The following CELSR1 variants were observed in gnomAD, a reference collection of about 807,000 sequenced individuals.
CELSR1 encodes cadherin EGF LAG seven-pass G-type receptor 1, also known as adhesion G protein-coupled receptor C1.
In CELSR1, 110 loss-of-function variants were observed where a neutral mutation model predicts 249.1. The observed-to-expected ratio is 0.44, with a 90% CI of 0.38 to 0.52. The LOEUF (loss-of-function observed/expected upper bound fraction) is 0.52, where lower values mean the gene tolerates loss of function less well. CELSR1 is among the 20% of genes least tolerant of loss of function. The pLI is 0.00. For synonymous variants in CELSR1, 2,113 were observed against 1,900.0 expected, an observed-to-expected ratio of 1.11 and a Z score of -2.92; for missense variants, 4,109 against 4,296.4, an observed-to-expected ratio of 0.96 and a Z score of 1.22.
At chr22:46,366,612 G>C (rs2078785809) in intron 29 of CELSR1, 132 bp from the exon 30 acceptor site, 1 of 747,982 alleles carries the variant, frequency 1.3e-6, no homozygotes, top group Non-Finnish European at 2.3e-6. Flanking sequence ...CACACAGGAG[G>C]AGCTGGCCCC....
In CELSR1 at chr22:46,365,499, G is replaced by C. The variant is rs2078758894; in HGVS notation, c.8404+87C>G. 3.2e-6 allele frequency: 5 copies of C among 1,542,998 alleles called. No homozygotes were observed. In the African/African-American group the frequency reaches 4.1e-5, roughly 13 times the overall value. ...GACGCTGAGCATGGCGAGGCTGCTA[G>C]TGCTTCTTCAGGGGCAGTCTGTCCA... On this transcript the variant is annotated intron_variant, in intron 31 of 34. Coordinates refer to ENST00000674500, the MANE Select transcript of CELSR1 (RefSeq NM_001378328.1).
chr22:46,462,067 C>T (rs2080035193), intron 2 of CELSR1, among the ~76,000 whole-genome samples: 1 of 152,276 alleles, frequency 6.6e-6, no homozygotes, highest in Admixed American at 6.5e-5. Context: ...AAACCCAACG[C>T]AGGTGTGGGC....
chr22:46,383,440 T>C (rs9615974), intron 20 of CELSR1, among the ~76,000 whole-genome samples: 9,668 of 152,326 alleles, frequency 0.063, 395 homozygotes, highest in Non-Finnish European at 0.092. Context: ...GAAGATTTGT[T>C]CATACACAGA....
intron 2 of CELSR1, among the ~76,000 whole-genome samples, chr22:46,444,661 G>A (rs1373730731): frequency 4.6e-5 from 7 of 152,182 alleles, no homozygotes; most frequent in South Asian, 2.1e-4. Flanking sequence ...TGTGTTTCCC[G>A]TGGCTGCCGT....
At chr22:46,386,728 ATTAGTTGTTTTTTGTTT>A (rs1486188997) in intron 18 of CELSR1, 143 bp from the exon 19 acceptor site, 1 of 631,760 alleles carries the variant, frequency 1.6e-6, no homozygotes, top group Non-Finnish European at 2.5e-6. Context: ...GCTCTTTAAT[ATTAGTTGTTTTTTGTTT>A]TTTGTTGTTT....
intron 25 of CELSR1, chr22:46,370,108 G>T (rs375341487): frequency 2.0e-6 from 1 of 505,686 alleles, no homozygotes; most frequent in Admixed American, 2.3e-5. Context: ...GTGAGATGGT[G>T]CAGGAGGGAT....
In CELSR1 at chr22:46,437,493, C is replaced by T. The variant is rs888116334; in HGVS notation, c.4407-1204G>A. 1.3e-4 allele frequency among the ~76,000 whole-genome samples: 20 copies of T among 152,336 alleles called. No homozygotes were observed. The highest frequency in any genetic ancestry group is 1.6e-4 in the Non-Finnish European group (11 of 68,034). ...ATGGTTTCGGCTGGCCGGTGGCTCA[C>T]GCCTGTAATCCCAGCACTTTGGGAG... On this transcript the variant is annotated intron_variant, in intron 3 of 34. Coordinates refer to ENST00000674500, the MANE Select transcript of CELSR1 (RefSeq NM_001378328.1). This position sits in a 1 kb window ranked among gnomAD's most constrained non-coding sequence, Gnocchi z 4.9.
At position 46,407,963 on chromosome 22, in the gene CELSR1, C is replaced by T. The variant is rs1201375896; in HGVS notation, c.5226+1033G>A. Among the ~76,000 whole-genome samples the T allele has an allele frequency of 6.6e-6, 1 of 152,190 alleles. No individual in the cohort carries two copies. Among genetic ancestry groups the T allele is most frequent in the African/African-American group, 2.4e-5 (1 of 41,454 alleles). ...AGGGGCAAGAGGGCAAGCCGAGGGC[C>T]GGGCACCCTCCTGGGGAGGGTCCCC... is the stretch of plus-strand genomic sequence containing the variant. On this transcript the variant is annotated intron_variant, in intron 9 of 34. Transcript: ENST00000674500. This position sits in a 1 kb window ranked among gnomAD's most constrained non-coding sequence, Gnocchi z 4.8.
rs1371417281 is a variant in CELSR1, at chr22:46,447,464, C to T, written c.4184-8053G>A. ...GTCATTCAAACCTGGGGGAAATTCA[C>T]CCATACTCTGCACACCCCCATCACC... On this transcript the variant is annotated intron_variant, in intron 2 of 34. Coordinates refer to ENST00000674500, the MANE Select transcript of CELSR1 (RefSeq NM_001378328.1). The surrounding 1 kb of genome is among the most constrained non-coding windows in gnomAD (Gnocchi z 4.7). 6.6e-6 allele frequency among the ~76,000 whole-genome samples: 1 copy of T among 152,078 alleles called. No homozygotes were observed. The highest frequency in any genetic ancestry group is 1.5e-5 in the Non-Finnish European group (1 of 68,022).
Position 46,390,364 on chromosome 22 carries a change from T to C in CELSR1, c.6345+28A>G, listed in dbSNP as rs113046281. ...TACACGAACACACACGTGCCCCTGC[T>C]GAACACACATCCCCGAGGCGCCCCT... is the stretch of plus-strand genomic sequence containing the variant. On this transcript the variant is annotated intron_variant, in intron 17 of 34. Coordinates refer to ENST00000674500, the MANE Select transcript of CELSR1 (RefSeq NM_001378328.1). This position sits in a 1 kb window ranked among gnomAD's most constrained non-coding sequence, Gnocchi z 6.3. The C allele has an allele frequency of 6.5e-4, 1,028 of 1,570,802 alleles. 6 individuals carry two copies. In the African/African-American group the frequency reaches 0.011, roughly 18 times the overall value.
At position 46,363,161 on chromosome 22, in the gene CELSR1, G is replaced by A; in HGVS notation, c.*62C>T. ...CTGAGGGTGATGCCGCAGCCTGTGT[G>A]GGGTGACGGGCTTGCCTCACGGTTT... is the stretch of plus-strand genomic sequence containing the variant. On this transcript the variant is annotated 3_prime_UTR_variant, in exon 35 of 35. Coordinates refer to ENST00000674500, the MANE Select transcript of CELSR1 (RefSeq NM_001378328.1). The surrounding 1 kb of genome is among the most constrained non-coding windows in gnomAD (Gnocchi z 4.3). 6.2e-7 allele frequency: 1 copy of A among 1,613,744 alleles called. No individual in the cohort carries two copies. Among genetic ancestry groups the A allele is most frequent in the South Asian group, 1.1e-5 (1 of 91,052 alleles).
rs1160797567 is a variant in CELSR1 at position 46,430,801 on chromosome 22, C to A, written c.4611+2592G>T. On this transcript the variant is annotated intron_variant, in intron 5 of 34. Coordinates refer to ENST00000674500, the MANE Select transcript of CELSR1 (RefSeq NM_001378328.1). The surrounding 1 kb of genome is among the most constrained non-coding windows in gnomAD (Gnocchi z 4.6). Reference sequence around the variant, plus strand: ...AACCTGACTGGTCCTGCCCCCAGCTCAGGTGCACTCCAGAGGAGGCCTCTG... The same window carrying A: ...AACCTGACTGGTCCTGCCCCCAGCTAAGGTGCACTCCAGAGGAGGCCTCTG... Among the ~76,000 whole-genome samples the A allele has an allele frequency of 1.3e-5, 2 of 152,096 alleles. No individual in the cohort carries two copies. The highest frequency in any genetic ancestry group is 4.8e-5 in the African/African-American group (2 of 41,410).
At chr22:46,419,764 GCA>G (rs768954535) in intron 5 of CELSR1, among the ~76,000 whole-genome samples, 9 of 144,222 alleles carry the variant, frequency 6.2e-5, no homozygotes, top group South Asian at 4.5e-4. Flanking sequence ...ACCCACACGT[GCA>G]CACTCACCAC....
At chr22:46,394,714 C>G (rs2147266526) in intron 13 of CELSR1, among the ~76,000 whole-genome samples, 1 of 152,344 alleles carries the variant, frequency 6.6e-6, no homozygotes, top group African/African-American at 2.4e-5. Context: ...CCCAGGTCCC[C>G]TGGCCCCCAG....
rs146057091 is a variant in CELSR1, at chr22:46,454,853, C to T, written c.4183+8854G>A. ...TAGCTCCTCAGCGAAGGAGCACCCA[C>T]GGCTGAATTGTGTCCCCAGAAAGAT... On this transcript the variant is annotated intron_variant, in intron 2 of 34. Coordinates refer to ENST00000674500, the MANE Select transcript of CELSR1 (RefSeq NM_001378328.1). This position sits in a 1 kb window ranked among gnomAD's most constrained non-coding sequence, Gnocchi z 5.1. 7.9e-5 allele frequency among the ~76,000 whole-genome samples: 12 copies of T among 152,370 alleles called. No homozygotes were observed. The highest frequency in any genetic ancestry group is 3.9e-4 in the East Asian group (2 of 5,184).
rs996736626 is a variant in CELSR1, at chr22:46,446,214, A to G, written c.4184-6803T>C. 2.0e-5 allele frequency among the ~76,000 whole-genome samples: 3 copies of G among 151,816 alleles called. No individual in the cohort carries two copies. Among genetic ancestry groups the G allele is most frequent in the Admixed American group, 1.3e-4 (2 of 15,252 alleles). Reference sequence around the variant, plus strand: ...CAGCTACAGATGGCCCTGTGCGTACACTGCAGGCCATCCTCCAGCCCCGCG... The same window carrying G: ...CAGCTACAGATGGCCCTGTGCGTACGCTGCAGGCCATCCTCCAGCCCCGCG... On this transcript the variant is annotated intron_variant, in intron 2 of 34. Transcript: ENST00000674500. The surrounding 1 kb of genome is among the most constrained non-coding windows in gnomAD (Gnocchi z 5.5).
Position 46,364,643 on chromosome 22 carries a change from T to A in CELSR1, c.8648A>T (p.Lys2883Met). ...CTCCACGCTGACCTTGGTCTCCACC[T>A]TCAGGCGGGGCTTGCCGCTGGGGTC... ...SEDPSGKPRLKVETKVSVELH... is the reference protein window; with the variant it reads ...SEDPSGKPRLMVETKVSVELH... Residue 2883 changes from lysine (K) to methionine (M), a missense_variant, in exon 33 of 35, where the codon AAG becomes ATG. Lys to Met is a moderately conservative substitution (Grantham distance 95). Transcript: ENST00000674500. 1 of 1,612,706 alleles carries A rather than the reference T, an allele frequency of 6.2e-7. No homozygotes were observed. Among genetic ancestry groups the A allele is most frequent in the Non-Finnish European group, 8.5e-7 (1 of 1,179,918 alleles).
chr22:46,456,041 C>T (rs1240694412), intron 2 of CELSR1, among the ~76,000 whole-genome samples: 3 of 152,034 alleles, frequency 2.0e-5, no homozygotes, highest in Admixed American at 1.3e-4. Context: ...GCACGTTTTC[C>T]CAAGAAAGGA....
At chr22:46,422,505 G>T (rs866251817) in intron 5 of CELSR1, among the ~76,000 whole-genome samples, 16,900 of 151,520 alleles carry the variant, frequency 0.11, 1,459 homozygotes, top group African/African-American at 0.24. Flanking sequence ...AGGCCAAGGG[G>T]GGGCGGATCA....
Sources: allele counts gnomAD v4.1 joint callset (sites outside exome capture counted in the v4.1 genomes callset), GRCh38; gene constraint gnomAD v4.1.1; non-coding constraint Gnocchi (gnomAD v3.1); transcripts MANE v1.5; gene names NCBI Gene and HGNC (gene_info 2026-07-23, HGNC 2026-07-21).